PTPRM: variants seen among roughly 807,000 people sequenced by gnomAD.
PTPRM encodes protein tyrosine phosphatase receptor type M, also known as receptor-type tyrosine-protein phosphatase mu.
In PTPRM, 47 loss-of-function variants were observed where a neutral mutation model predicts 186.7. That is an observed-to-expected ratio of 0.25 (90% CI 0.20 to 0.32). The LOEUF (loss-of-function observed/expected upper bound fraction) is 0.32. PTPRM is among the 10% of genes least tolerant of loss of function. The pLI is 1.00. For synonymous variants in PTPRM, 668 were observed against 674.9 expected, an observed-to-expected ratio of 0.99 and a Z score of 0.16; for missense variants, 1,494 against 1,865.0, an observed-to-expected ratio of 0.80 and a Z score of 3.66.
chr18:8,138,463 C>T (rs2092689132), intron 13 of PTPRM, among the ~76,000 whole-genome samples: 1 of 151,924 alleles, frequency 6.6e-6, no homozygotes, highest in Non-Finnish European at 1.5e-5. Flanking sequence ...CAGCCTGGGA[C>T]ATCCCTCCCT....
At chr18:8,311,555 T>C (rs2148007509) in intron 20 of PTPRM, among the ~76,000 whole-genome samples, 1 of 152,274 alleles carries the variant, frequency 6.6e-6, no homozygotes, top group Non-Finnish European at 1.5e-5. Flanking sequence ...TCAGATTATA[T>C]ATGACACTGT....
chr18:8,375,671 G>A (rs2095690137), intron 24 of PTPRM, among the ~76,000 whole-genome samples: 2 of 152,158 alleles, frequency 1.3e-5, no homozygotes, highest in South Asian at 2.1e-4. Flanking sequence ...CCCCTCTTCT[G>A]TGCCTCTTTC....
Position 8,158,661 on chromosome 18 carries a change from G to A in PTPRM, c.2300+14882G>A, listed in dbSNP as rs562003384. The stretch of plus-strand genomic sequence containing the variant: ...GAGAGTGGGTAATTTATAAAGAAAA[G>A]AGGTTTAACTGGCTTATGGTTCTGC... On this transcript the variant is annotated intron_variant, in intron 14 of 32. Transcript: ENST00000580170. 3.1e-3 allele frequency among the ~76,000 whole-genome samples: 467 copies of A among 152,272 alleles called. 7 individuals carry two copies. The highest frequency in any genetic ancestry group is 1.0e-3 in the Non-Finnish European group (69 of 68,030).
chr18:7,903,661 G>T (rs567102665), intron 3 of PTPRM, among the ~76,000 whole-genome samples: 224 of 152,210 alleles, frequency 1.5e-3, no homozygotes, highest in Middle Eastern at 6.8e-3. Flanking sequence ...TTAAACTTAC[G>T]AACAGGATGA....
At chr18:8,151,090 G>T (rs1055874215) in intron 14 of PTPRM, among the ~76,000 whole-genome samples, 2 of 152,136 alleles carry the variant, frequency 1.3e-5, no homozygotes, top group African/African-American at 4.8e-5. Flanking sequence ...GTGTCTCCTA[G>T]TCAGGATACA....
chr18:8,194,519 C>G (rs1047377517), intron 14 of PTPRM, among the ~76,000 whole-genome samples: 1 of 152,232 alleles, frequency 6.6e-6, no homozygotes, highest in African/African-American at 2.4e-5. Context: ...GAAATCCACA[C>G]TGGAAACAGG....
At chr18:8,115,616 G>A (rs1439032639) in intron 13 of PTPRM, among the ~76,000 whole-genome samples, 1 of 152,156 alleles carries the variant, frequency 6.6e-6, no homozygotes, top group Non-Finnish European at 1.5e-5. Context: ...TAGATCATTG[G>A]AGTAACCATG....
At chr18:7,941,377 C>T (rs531495517) in intron 5 of PTPRM, among the ~76,000 whole-genome samples, 1 of 152,312 alleles carries the variant, frequency 6.6e-6, no homozygotes, top group Admixed American at 6.5e-5. Context: ...GGATTTTAGA[C>T]AAAAACCTGC....
At chr18:7,740,040 T>C (rs915504492) in intron 1 of PTPRM, among the ~76,000 whole-genome samples, 1 of 152,182 alleles carries the variant, frequency 6.6e-6, no homozygotes, top group Non-Finnish European at 1.5e-5. Context: ...AAGTAAAAAA[T>C]ATAGTTCCTC....
chr18:8,315,656 TCTATC>T (rs1476004757), intron 21 of PTPRM, among the ~76,000 whole-genome samples: 2 of 152,218 alleles, frequency 1.3e-5, no homozygotes, highest in Non-Finnish European at 2.9e-5. Context: ...TATTGCTTAG[TCTATC>T]AGTACTTCCA....
At chr18:8,272,256 C>CT (rs1006565288) in intron 19 of PTPRM, among the ~76,000 whole-genome samples, 1 of 150,320 alleles carries the variant, frequency 6.7e-6, no homozygotes, top group African/African-American at 2.4e-5. Context: ...AAAGAAATAG[C>CT]TTTTGTGTTT....
At chr18:7,978,386 T>C (rs1371056337) in intron 7 of PTPRM, among the ~76,000 whole-genome samples, 1 of 152,190 alleles carries the variant, frequency 6.6e-6, no homozygotes, top group Non-Finnish European at 1.5e-5. Context: ...CTCCATTGTT[T>C]TTCTATTTTG....
chr18:8,337,377 T>C (rs775415560), intron 22 of PTPRM, among the ~76,000 whole-genome samples: 7 of 152,138 alleles, frequency 4.6e-5, no homozygotes, highest in Non-Finnish European at 7.3e-5. Context: ...GCTGTTCTTA[T>C]CTTATCTCTA....
At chr18:8,225,506 A>C (rs964381303) in intron 14 of PTPRM, among the ~76,000 whole-genome samples, 2 of 152,148 alleles carry the variant, frequency 1.3e-5, no homozygotes, top group African/African-American at 4.8e-5. Context: ...TTCTCTAATA[A>C]ACCCTGGTTT....
At chr18:8,228,453 T>C (rs1220405375) in intron 14 of PTPRM, among the ~76,000 whole-genome samples, 1 of 152,202 alleles carries the variant, frequency 6.6e-6, no homozygotes, top group Admixed American at 6.5e-5. Flanking sequence ...TATTGTCATA[T>C]GAATAACATT....
At chr18:7,763,461 A>T (rs909987051) in intron 1 of PTPRM, among the ~76,000 whole-genome samples, 8 of 152,152 alleles carry the variant, frequency 5.3e-5, no homozygotes, top group African/African-American at 1.7e-4. Flanking sequence ...CATACCTTTG[A>T]TATGAAGACT....
intron 14 of PTPRM, among the ~76,000 whole-genome samples, chr18:8,221,184 G>A (rs765342404): frequency 3.5e-4 from 53 of 152,254 alleles, no homozygotes; most frequent in Admixed American, 1.0e-3. Flanking sequence ...ATGAAGAAAA[G>A]CATTATCCAA....
intron 13 of PTPRM, among the ~76,000 whole-genome samples, chr18:8,132,478 T>C (rs1157472649): frequency 6.6e-6 from 1 of 152,178 alleles, no homozygotes; most frequent in African/African-American, 2.4e-5. Flanking sequence ...AGGACTGCAA[T>C]AGCCATTTTG....
intron 1 of PTPRM, among the ~76,000 whole-genome samples, chr18:7,570,803 A>G (rs1055240274): frequency 3.9e-5 from 6 of 152,204 alleles, no homozygotes; most frequent in Non-Finnish European, 5.9e-5. Context: ...TTAATTAACC[A>G]TTTCTGGAGG....
Sources: gnomAD v4.1 joint callset for allele counts (sites outside exome capture counted in the v4.1 genomes callset) on GRCh38, gnomAD v4.1.1 for gene constraint, MANE v1.5 for transcripts, NCBI Gene and HGNC (gene_info 2026-07-23, HGNC 2026-07-21) for gene names.